The following CEP295 variants were observed in gnomAD, a reference collection of about 807,000 sequenced individuals.
CEP295 encodes centrosomal protein 295.
Under a neutral mutation model 291.6 loss-of-function variants are expected in CEP295, and 190 were observed. The observed-to-expected ratio is 0.65, with a 90% CI of 0.58 to 0.73. The LOEUF (loss-of-function observed/expected upper bound fraction) is 0.73. CEP295 is among the 30% of genes least tolerant of loss of function. The pLI is 0.00. For missense variants in CEP295, 2,863 were observed against 2,949.4 expected (o/e 0.97, Z 0.68); for synonymous variants, 993 against 1,038.8 (o/e 0.96, Z 0.85).
At chr11:93,688,005 T>C (rs898371069) in intron 10 of CEP295, 140 bp downstream of exon 10, 3 of 540,770 alleles carry the variant, frequency 5.5e-6, no homozygotes, top group Non-Finnish European at 9.4e-6. Context: ...AGAAACATTA[T>C]AAAAGCCTTA....
intron 9 of CEP295, among the ~76,000 whole-genome samples, chr11:93,686,418 A>G (rs980366978): frequency 6.6e-6 from 1 of 152,196 alleles, no homozygotes; most frequent in Non-Finnish European, 1.5e-5. Flanking sequence ...GTCTTGCCCA[A>G]TCTAAAGGGA....
intron 17 of CEP295, among the ~76,000 whole-genome samples, chr11:93,706,525 A>G (rs1952521631): frequency 6.6e-6 from 1 of 152,216 alleles, no homozygotes; most frequent in Non-Finnish European, 1.5e-5. Context: ...ATTAGTCAAT[A>G]CTGAGGCATA....
intron 22 of CEP295, 75 bp downstream of exon 22, chr11:93,724,450 A>T: frequency 7.1e-7 from 1 of 1,400,620 alleles, no homozygotes; most frequent in Non-Finnish European, 9.8e-7. Flanking sequence ...CTGGAACAAA[A>T]GTTCTTCTAA....
At chr11:93,704,011 C>T (rs551932206) in intron 17 of CEP295, among the ~76,000 whole-genome samples, 16 of 151,944 alleles carry the variant, frequency 1.1e-4, no homozygotes, top group East Asian at 3.9e-4. Context: ...CCTTGTGATC[C>T]GCCCGCCTCG....
rs1223590461 is a variant in CEP295, at chr11:93,701,935, GGTTGTTGTTTTTGTT to G, written c.5275-515_5275-501del. The stretch of plus-strand genomic sequence containing the variant: ...AGTTTTTAAGTCCAAGGCTGTGAAT[GGTTGTTGTTTTTGTT>G]GTTGTTGTTGTTGTTGTTTGAGACG... On this transcript the variant is annotated intron_variant, in intron 15 of 29. Transcript: ENST00000325212. 4.9e-4 allele frequency among the ~76,000 whole-genome samples: 74 copies of G among 151,980 alleles called. No individual in the cohort carries two copies. The East Asian group carries it at 0.013, about 27-fold the overall frequency.
Position 93,698,437 on chromosome 11 carries a change from A to G in CEP295, c.3525A>G (p.Val1175=). 1.3e-6 allele frequency: 2 copies of G among 1,552,060 alleles called. No individual in the cohort carries two copies. The highest frequency in any genetic ancestry group is 1.7e-6 in the Non-Finnish European group (2 of 1,147,034). ...ILQEQSQIQR[V]ILGAKEGTQE... Reference sequence around the variant, plus strand: ...AAGAACAGTCACAAATACAAAGGGTAATACTTGGTGCTAAAGAAGGAACTC... The same window carrying G: ...AAGAACAGTCACAAATACAAAGGGTGATACTTGGTGCTAAAGAAGGAACTC... Residue 1175 remains valine (V), a synonymous_variant, in exon 15 of 30, where the codon GTA becomes GTG. Transcript: ENST00000325212.
intron 5 of CEP295, among the ~76,000 whole-genome samples, chr11:93,672,755 T>TA (rs1047923669): frequency 2.0e-5 from 3 of 152,170 alleles, no homozygotes; most frequent in Admixed American, 1.3e-4. Flanking sequence ...TTTAAATTAT[T>TA]AACAGATCAT....
In CEP295 at chr11:93,727,478, T is replaced by A. The variant is rs756334237; in HGVS notation, c.7002T>A (p.Ile2334=). 2 of 1,551,988 alleles carry A rather than the reference T, an allele frequency of 1.3e-6. No homozygotes were observed. The highest frequency in any genetic ancestry group is 1.7e-6 in the Non-Finnish European group (2 of 1,147,042). ...CVRTVEMGTS[I]QAPYSLTTQN... ...GAACAGTGGAGATGGGAACTTCAAT[T>A]CAGGCACCATATTCCTTAACTACTC... Residue 2334 remains isoleucine (I), a synonymous_variant, in exon 24 of 30, where the codon ATT becomes ATA. Coordinates refer to ENST00000325212, the MANE Select transcript of CEP295 (RefSeq NM_033395.2).
At chr11:93,724,209 A>T (rs1953968561) in intron 21 of CEP295, 45 bp from the exon 22 acceptor site, 1 of 1,505,010 alleles carries the variant, frequency 6.6e-7, no homozygotes. Context: ...TAAATTTATG[A>T]TTTTTTTCCC....
chr11:93,708,585 G>C (rs1002785156), intron 18 of CEP295, among the ~76,000 whole-genome samples: 2 of 151,950 alleles, frequency 1.3e-5, no homozygotes, highest in African/African-American at 4.8e-5. Context: ...CCAAATCTTG[G>C]CTATTGTGAA....
At position 93,716,233 on chromosome 11, in the gene CEP295, C is replaced by T. The variant is rs116512234; in HGVS notation, c.5750-5079C>T. Among the ~76,000 whole-genome samples the T allele has an allele frequency of 8.0e-3, 1,213 of 152,320 alleles. 21 individuals carry two copies. The highest frequency in any genetic ancestry group is 0.053 in the East Asian group (272 of 5,178). ...GGTCTAAATGCTCCCTCCAAGGGCACTGGCAGAGTTCTACTTGGTGCTGGC... is the reference window on the plus strand; with the variant it reads ...GGTCTAAATGCTCCCTCCAAGGGCATTGGCAGAGTTCTACTTGGTGCTGGC... On this transcript the variant is annotated intron_variant, in intron 18 of 29. Coordinates refer to ENST00000325212, the MANE Select transcript of CEP295 (RefSeq NM_033395.2).
chr11:93,696,912 C>T lies in CEP295; in HGVS notation c.2000C>T (p.Ser667Phe). ...CAACCCATACAACCTATACAGACCT[C>T]CAAATTAGAACAAGATCATTTTCAG... ...KYQPIQPIQTSKLEQDHFQVA... is the reference protein window; with the variant it reads ...KYQPIQPIQTFKLEQDHFQVA... Residue 667 changes from serine (S) to phenylalanine (F), a missense_variant, in exon 15 of 30, where the codon TCC (serine) becomes TTC (phenylalanine). Transcript: ENST00000325212. The T allele has an allele frequency of 5.8e-6, 9 of 1,551,990 alleles. No homozygotes were observed. Among genetic ancestry groups the T allele is most frequent in the Non-Finnish European group, 7.8e-6 (9 of 1,147,080 alleles).
At chr11:93,677,340 A>C (rs1950743895) in intron 6 of CEP295, among the ~76,000 whole-genome samples, 2 of 152,106 alleles carry the variant, frequency 1.3e-5, no homozygotes, top group Non-Finnish European at 2.9e-5. Flanking sequence ...TCATTTGTTC[A>C]GTCAGCCTTT....
intron 3 of CEP295, among the ~76,000 whole-genome samples, chr11:93,668,223 G>C (rs1307417056): frequency 6.6e-6 from 1 of 152,094 alleles, no homozygotes; most frequent in Non-Finnish European, 1.5e-5. Context: ...GATTTATTGT[G>C]ATTTATGATG....
chr11:93,700,212 G>A lies in CEP295; in HGVS notation c.5274+26G>A. On this transcript the variant is annotated intron_variant, in intron 15 of 29. Coordinates refer to ENST00000325212, the MANE Select transcript of CEP295 (RefSeq NM_033395.2). ...GTATGTTTTAAACCTGAATAATAAT[G>A]AAACACTAGAAGTTTAAACCCAAAT... The A allele has an allele frequency of 2.7e-6, 4 of 1,495,504 alleles. No homozygotes were observed. The South Asian group carries it at 4.0e-5, about 15-fold the overall frequency. The allele number at this position is 1,495,504 out of a possible 1,614,324, so 92.6% of individuals were successfully genotyped here.
intron 10 of CEP295, among the ~76,000 whole-genome samples, chr11:93,690,729 CAAAAAAAA>C (rs10608060): frequency 4.4e-5 from 3 of 68,366 alleles, no homozygotes; most frequent in African/African-American, 1.7e-4. Flanking sequence ...GACTCCGTCT[CAAAAAAAA>C]AAAAAAAAAA....
chr11:93,707,060 T>C (rs1952555137), intron 18 of CEP295, among the ~76,000 whole-genome samples, 163 bp downstream of exon 18: 1 of 150,496 alleles, frequency 6.6e-6, no homozygotes, highest in Non-Finnish European at 1.5e-5. Flanking sequence ...ATGCAGTTGT[T>C]AAATGAGTAA....
intron 6 of CEP295, among the ~76,000 whole-genome samples, chr11:93,678,217 T>C (rs947579365): frequency 6.6e-6 from 1 of 152,190 alleles, no homozygotes; most frequent in Non-Finnish European, 1.5e-5. Context: ...GAAAACCTCA[T>C]GGCTGAAATG....
At chr11:93,679,631 A>G in intron 7 of CEP295, 79 bp downstream of exon 7, 1 of 1,232,522 alleles carries the variant, frequency 8.1e-7, no homozygotes, top group Non-Finnish European at 1.1e-6. Context: ...GAATGAGCTC[A>G]AAGAAAGGTA....
Sources: gnomAD v4.1 joint callset for allele counts (sites outside exome capture counted in the v4.1 genomes callset) on GRCh38, gnomAD v4.1.1 for gene constraint, MANE v1.5 for transcripts, NCBI Gene and HGNC (gene_info 2026-07-23, HGNC 2026-07-21) for gene names.